ITPK1: variants seen among roughly 807,000 people sequenced by gnomAD.
ITPK1 encodes inositol 1,3,4-trisphosphate 5/6-kinase.
ITPK1 carries 21 observed loss-of-function variants against 45.3 expected under a neutral mutation model. The ratio of observed to expected loss-of-function variants is 0.46; its 90% CI spans 0.33 to 0.67. The LOEUF (loss-of-function observed/expected upper bound fraction) is 0.67. Ranked by LOEUF, ITPK1 falls within the 30% of genes least tolerant of loss-of-function variation. ITPK1 has a pLI of 0.02. For synonymous variants in ITPK1, 258 were observed against 253.6 expected (o/e 1.02, Z -0.16); for missense variants, 474 against 573.5 (o/e 0.83, Z 1.77).
At chr14:92,957,337 C>A (rs888014384) in intron 8 of ITPK1, among the ~76,000 whole-genome samples, 2 of 152,224 alleles carry the variant, frequency 1.3e-5, no homozygotes, top group African/African-American at 4.8e-5. Flanking sequence ...GCTACTTATC[C>A]CAAGACACTG....
At chr14:93,064,982 G>T (rs990490135) in intron 3 of ITPK1, among the ~76,000 whole-genome samples, 2 of 152,154 alleles carry the variant, frequency 1.3e-5, no homozygotes, top group East Asian at 1.9e-4. Flanking sequence ...GAACTAGCAC[G>T]GGAGGGGGTC....
intron 2 of ITPK1, among the ~76,000 whole-genome samples, chr14:93,092,386 T>A (rs1353003796): frequency 1.3e-5 from 2 of 152,218 alleles, no homozygotes; most frequent in African/African-American, 2.4e-5. Context: ...CCAGGCGCTC[T>A]GACTCCCAGG....
At chr14:93,009,779 G>A (rs142459100) in intron 4 of ITPK1, among the ~76,000 whole-genome samples, 2 of 152,206 alleles carry the variant, frequency 1.3e-5, no homozygotes, top group East Asian at 1.9e-4. Flanking sequence ...ATCGTCACAC[G>A]GCACCAGCTG....
At chr14:93,107,776 C>T (rs1170251759) in intron 2 of ITPK1, among the ~76,000 whole-genome samples, 1 of 152,208 alleles carries the variant, frequency 6.6e-6, no homozygotes, top group Non-Finnish European at 1.5e-5. Flanking sequence ...GCTGTGGGAG[C>T]ACTCCCAGGG....
intron 3 of ITPK1, among the ~76,000 whole-genome samples, chr14:93,064,688 C>T (rs1400631564): frequency 1.3e-5 from 2 of 152,290 alleles, no homozygotes; most frequent in Non-Finnish European, 2.9e-5. Flanking sequence ...AAGAGAAAGA[C>T]TCAGATTGAC....
chr14:93,047,539 TGG>T (rs1889829006), intron 3 of ITPK1, among the ~76,000 whole-genome samples: 1 of 152,138 alleles, frequency 6.6e-6, no homozygotes, highest in Non-Finnish European at 1.5e-5. Context: ...CAAGTGGGGA[TGG>T]AGGCAGAGAC....
intron 2 of ITPK1, among the ~76,000 whole-genome samples, chr14:93,084,008 G>T (rs1333188045): frequency 6.6e-6 from 1 of 152,222 alleles, no homozygotes; most frequent in Admixed American, 6.5e-5. Context: ...CCACTGTGTT[G>T]TCCCTGCCCC....
chr14:92,994,478 T>G (rs1886951594), intron 4 of ITPK1, among the ~76,000 whole-genome samples: 1 of 152,230 alleles, frequency 6.6e-6, no homozygotes, highest in Admixed American at 6.5e-5. Context: ...ACTCCACTTC[T>G]GTACCTACTA....
chr14:93,018,532 A>C (rs1398300320), intron 3 of ITPK1, among the ~76,000 whole-genome samples: 1 of 152,094 alleles, frequency 6.6e-6, no homozygotes, highest in African/African-American at 2.4e-5. Context: ...TCCCCTATAT[A>C]GAAAAAAAAA....
chr14:92,951,914 T>C, intron 9 of ITPK1, 32 bp downstream of exon 9: 1 of 1,548,390 alleles, frequency 6.5e-7, no homozygotes, highest in Non-Finnish European at 8.8e-7. Flanking sequence ...GAGGGCAGTT[T>C]CAGGCCAGGC....
chr14:93,047,777 C>T (rs569664385), intron 3 of ITPK1, among the ~76,000 whole-genome samples: 1 of 152,334 alleles, frequency 6.6e-6, no homozygotes, highest in East Asian at 1.9e-4. Flanking sequence ...ATGTATGTGA[C>T]CCAAGCCAGG....
At chr14:92,981,140 C>T (rs1029241404) in intron 5 of ITPK1, among the ~76,000 whole-genome samples, 6 of 152,184 alleles carry the variant, frequency 3.9e-5, no homozygotes, top group Non-Finnish European at 5.9e-5. Context: ...CTCCTTAACT[C>T]ATCCCAGATA....
chr14:93,066,283 TGTGC>T (rs1355123492), intron 3 of ITPK1: 2 of 454,194 alleles, frequency 4.4e-6, no homozygotes, highest in South Asian at 1.6e-5. Flanking sequence ...CTCAGCTTGG[TGTGC>T]GTGCGTGTGT....
intron 8 of ITPK1, among the ~76,000 whole-genome samples, chr14:92,953,296 G>T (rs1888046301): frequency 6.6e-6 from 1 of 152,274 alleles, no homozygotes; most frequent in African/African-American, 2.4e-5. Flanking sequence ...GCCCTGGTGT[G>T]CCCGACAGTC....
At chr14:93,001,488 A>G (rs1273089468) in intron 4 of ITPK1, among the ~76,000 whole-genome samples, 4 of 152,058 alleles carry the variant, frequency 2.6e-5, no homozygotes, top group Non-Finnish European at 5.9e-5. Flanking sequence ...AGCCTCCTGT[A>G]CTGAACCCAA....
chr14:93,065,310 T>C (rs746840459), intron 3 of ITPK1, among the ~76,000 whole-genome samples: 2 of 152,146 alleles, frequency 1.3e-5, no homozygotes, highest in African/African-American at 4.8e-5. Flanking sequence ...CATCTACCCA[T>C]CGCATCATTT....
intron 5 of ITPK1, among the ~76,000 whole-genome samples, chr14:92,990,619 G>T (rs370706941): frequency 6.6e-6 from 1 of 152,226 alleles, no homozygotes; most frequent in Admixed American, 6.5e-5. Flanking sequence ...TGAGCTCTGG[G>T]AATGTGGAAC....
chr14:92,982,265 G>T (rs1472462760), intron 5 of ITPK1, among the ~76,000 whole-genome samples: 2 of 152,228 alleles, frequency 1.3e-5, no homozygotes, highest in Non-Finnish European at 2.9e-5. Context: ...ATGATGGATG[G>T]GTTCTCCTCT....
chr14:92,949,031 A>G (rs1566688824), intron 9 of ITPK1, among the ~76,000 whole-genome samples: 1 of 150,940 alleles, frequency 6.6e-6, no homozygotes, highest in Non-Finnish European at 1.5e-5. Flanking sequence ...TGGAAGAAAT[A>G]CTTTCTAGGG....
Sources: allele counts gnomAD v4.1 joint callset (sites outside exome capture counted in the v4.1 genomes callset), GRCh38; gene constraint gnomAD v4.1.1; transcripts MANE v1.5; gene names NCBI Gene and HGNC (gene_info 2026-07-23, HGNC 2026-07-21).